Variants in TMEM232 observed in about 807,000 individuals in gnomAD.
The protein encoded by TMEM232 is transmembrane protein 232.
In TMEM232, 80 loss-of-function variants were observed where a neutral mutation model predicts 78.8. The observed-to-expected ratio is 1.01, with a 90% CI of 0.85 to 1.22. The LOEUF is 1.22. Among genes scored for constraint, TMEM232 ranks in the 50% most tolerant of loss-of-function variants. The pLI is 0.00. For synonymous variants in TMEM232, 297 were observed against 254.3 expected, an observed-to-expected ratio of 1.17 and a Z score of -1.60; for missense variants, 881 against 742.2, an observed-to-expected ratio of 1.19 and a Z score of -2.17.
chr5:110,673,051 C>G (rs1006391009), intron 1 of TMEM232, among the ~76,000 whole-genome samples: 8 of 152,220 alleles, frequency 5.3e-5, no homozygotes, highest in African/African-American at 1.4e-4. Context: ...TTGGAACCAA[C>G]CCAAATGTCC....
intron 12 of TMEM232, among the ~76,000 whole-genome samples, chr5:110,455,560 A>C (rs1760812987): frequency 1.3e-5 from 2 of 151,700 alleles, no homozygotes; most frequent in African/African-American, 4.8e-5. Flanking sequence ...TTGTATTTTT[A>C]ATAAAGACAG....
intron 12 of TMEM232, among the ~76,000 whole-genome samples, chr5:110,493,972 T>C (rs1765388741): frequency 6.6e-6 from 1 of 152,036 alleles, no homozygotes; most frequent in Non-Finnish European, 1.5e-5. Context: ...GATGTTCCCC[T>C]GCCTGTGTCC....
chr5:110,460,548 G>A (rs1052170416), intron 12 of TMEM232, among the ~76,000 whole-genome samples: 4 of 151,944 alleles, frequency 2.6e-5, no homozygotes, highest in African/African-American at 9.7e-5. Flanking sequence ...TCAATTTTGG[G>A]ACACTAAAAA....
rs888184501 is a variant in TMEM232 at position 110,692,164 on chromosome 5, C to G, written c.-12-24800G>C. Among the ~76,000 whole-genome samples the G allele has an allele frequency of 5.9e-5, 9 of 152,332 alleles. No homozygotes were observed. The East Asian group carries it at 1.5e-3, about 26-fold the overall frequency. ...TCTTGTACTCCGGACTCATGATCTG[C>G]CCGCCTCGGCCTCCAAAAGTGCTGG... is the stretch of plus-strand genomic sequence containing the variant. On this transcript the variant is annotated intron_variant, in intron 1 of 13. Transcript: ENST00000455884.
intron 11 of TMEM232, among the ~76,000 whole-genome samples, chr5:110,540,701 C>T (rs974616774): frequency 2.0e-5 from 3 of 152,196 alleles, no homozygotes; most frequent in African/African-American, 7.2e-5. Flanking sequence ...ACACTGCCCC[C>T]TGGCACATTA....
intron 11 of TMEM232, among the ~76,000 whole-genome samples, chr5:110,537,914 A>G (rs1772601731): frequency 6.6e-6 from 1 of 152,228 alleles, no homozygotes; most frequent in African/African-American, 2.4e-5. Flanking sequence ...ACCCCCTTGG[A>G]AAAAAAGATG....
chr5:110,396,760 C>T (rs1399826496), intron 3 of TMEM232, among the ~76,000 whole-genome samples: 1 of 152,186 alleles, frequency 6.6e-6, no homozygotes, highest in Non-Finnish European at 1.5e-5. Context: ...TCCTTACTTA[C>T]ATTATTTAAT....
intron 1 of TMEM232, among the ~76,000 whole-genome samples, chr5:110,708,510 CA>C (rs2150304345): frequency 6.6e-6 from 1 of 152,088 alleles, no homozygotes; most frequent in East Asian, 1.9e-4. Flanking sequence ...ATGAACCAAT[CA>C]AAAACAATAA....
chr5:110,694,291 G>A (rs1561527923), intron 1 of TMEM232, among the ~76,000 whole-genome samples: 1 of 152,080 alleles, frequency 6.6e-6, no homozygotes, highest in Non-Finnish European at 1.5e-5. Flanking sequence ...CCCTAAAAGA[G>A]CTCCTGAAGG....
chr5:110,449,204 A>G (rs1759994785), intron 12 of TMEM232, among the ~76,000 whole-genome samples: 1 of 152,078 alleles, frequency 6.6e-6, no homozygotes, highest in South Asian at 2.1e-4. Context: ...GAAAAATGGT[A>G]TCTGTTAACA....
intron 12 of TMEM232, among the ~76,000 whole-genome samples, chr5:110,527,887 C>A (rs1291281520): frequency 6.6e-6 from 1 of 151,412 alleles, no homozygotes; most frequent in East Asian, 1.9e-4. Context: ...AAGTTTCTGT[C>A]TTGATTAAAG....
At chr5:110,596,502 T>A (rs1404713512) in intron 10 of TMEM232, among the ~76,000 whole-genome samples, 8 of 152,198 alleles carry the variant, frequency 5.3e-5, no homozygotes, top group Admixed American at 6.5e-5. Flanking sequence ...GAATCCTCCC[T>A]AACTCATTTT....
intron 5 of TMEM232, among the ~76,000 whole-genome samples, chr5:110,632,668 C>A (rs1037803260): frequency 6.6e-6 from 1 of 151,928 alleles, no homozygotes; most frequent in Non-Finnish European, 1.5e-5. Context: ...AATCTCAGAA[C>A]CTGAAGACAT....
At position 110,561,822 on chromosome 5, in the gene TMEM232, G is replaced by A. The variant is rs917058929; in HGVS notation, c.1455+6625C>T. On this transcript the variant is annotated intron_variant, in intron 11 of 13. Transcript: ENST00000455884. ...TAAAATGGCATGTCTGTTCCACGTT[G>A]TCTGTCATCTTCCAGCTGGATAATG... 2.0e-5 allele frequency among the ~76,000 whole-genome samples: 3 copies of A among 152,034 alleles called. No homozygotes were observed. In the South Asian group the frequency reaches 6.2e-4, roughly 32 times the overall value.
At chr5:110,661,856 T>C (rs578025886) in intron 2 of TMEM232, among the ~76,000 whole-genome samples, 5 of 152,234 alleles carry the variant, frequency 3.3e-5, no homozygotes, top group East Asian at 1.9e-4. Context: ...GGTGAGATAA[T>C]GTCTCATTGT....
At position 110,588,398 on chromosome 5, in the gene TMEM232, A is replaced by G. The variant is rs115612564; in HGVS notation, c.1276+16711T>C. The stretch of plus-strand genomic sequence containing the variant: ...TATTGGAATAAATTATTGTAAATCC[A>G]GGCAAAGATGACAACACAACAAACT... On this transcript the variant is annotated intron_variant, in intron 10 of 13. Transcript: ENST00000455884. Among the ~76,000 whole-genome samples the G allele has an allele frequency of 2.8e-3, 429 of 152,282 alleles. 7 individuals are homozygous for G. Among genetic ancestry groups the G allele is most frequent in the African/African-American group, 9.8e-3 (407 of 41,578 alleles).
At chr5:110,593,943 C>T (rs1350854022) in intron 10 of TMEM232, among the ~76,000 whole-genome samples, 2 of 151,942 alleles carry the variant, frequency 1.3e-5, no homozygotes, top group Admixed American at 1.3e-4. Flanking sequence ...TAAATATATA[C>T]ACCTACTATG....
At chr5:110,690,549 T>C (rs897754482) in intron 1 of TMEM232, among the ~76,000 whole-genome samples, 2 of 152,204 alleles carry the variant, frequency 1.3e-5, no homozygotes, top group Non-Finnish European at 2.9e-5. Flanking sequence ...GTTCAACGAT[T>C]GTGGAAGACA....
At chr5:110,466,200 A>C (rs934283845) in intron 12 of TMEM232, among the ~76,000 whole-genome samples, 1 of 152,212 alleles carries the variant, frequency 6.6e-6, no homozygotes, top group African/African-American at 2.4e-5. Flanking sequence ...AAAGAAAGTG[A>C]TATCACCACA....
Sources: allele counts gnomAD v4.1 joint callset (sites outside exome capture counted in the v4.1 genomes callset), GRCh38; gene constraint gnomAD v4.1.1; transcripts MANE v1.5; gene names NCBI Gene and HGNC (gene_info 2026-07-23, HGNC 2026-07-21).